ARID2: variants seen among roughly 807,000 people sequenced by gnomAD.
The protein encoded by ARID2 is AT-rich interactive domain-containing protein 2.
Under a neutral mutation model 184.6 loss-of-function variants are expected in ARID2, and 32 were observed. The ratio of observed to expected loss-of-function variants is 0.17; its 90% CI spans 0.13 to 0.23. The LOEUF (loss-of-function observed/expected upper bound fraction) is 0.23. Among genes scored for constraint, ARID2 ranks in the 10% least tolerant of loss-of-function variants. ARID2 has a pLI of 1.00. For synonymous variants in ARID2, 836 were observed against 772.6 expected, an observed-to-expected ratio of 1.08 and a Z score of -1.36; for missense variants, 1,696 against 2,197.6, an observed-to-expected ratio of 0.77 and a Z score of 4.56.
At chr12:45,878,164 T>A (rs1019935872) in intron 16 of ARID2, among the ~76,000 whole-genome samples, 1 of 152,200 alleles carries the variant, frequency 6.6e-6, no homozygotes, top group Non-Finnish European at 1.5e-5. Context: ...TCTTTGTCTT[T>A]GGTTTTTGGA....
chr12:45,867,735 T>TC (rs2138200492), intron 16 of ARID2, among the ~76,000 whole-genome samples: 1 of 140,888 alleles, frequency 7.1e-6, no homozygotes, highest in East Asian at 2.2e-4. Context: ...AGAACGAGAC[T>TC]CCATCTCAAA....
chr12:45,746,711 G>C (rs1327827150), intron 3 of ARID2, among the ~76,000 whole-genome samples: 3 of 152,032 alleles, frequency 2.0e-5, no homozygotes, highest in Non-Finnish European at 4.4e-5. Flanking sequence ...TTATAGATGA[G>C]AAAACAGGAC....
chr12:45,736,840 G>A (rs1941135554), intron 3 of ARID2, among the ~76,000 whole-genome samples: 1 of 152,162 alleles, frequency 6.6e-6, no homozygotes. Context: ...AATGTGTATT[G>A]TGGATCTCTA....
In ARID2 at chr12:45,887,812, T is replaced by C. The variant is rs1431091242; in HGVS notation, c.4923-3968T>C. Among the ~76,000 whole-genome samples the C allele has an allele frequency of 1.2e-4, 18 of 152,250 alleles. No homozygotes were observed. The South Asian group carries it at 3.5e-3, about 30-fold the overall frequency. On this transcript the variant is annotated intron_variant, in intron 16 of 20. Transcript: ENST00000334344. ...CAGTGCAGAGGCTGGTCAGGGATTC[T>C]CTGAGGAGCCCTTTTAACTTGGTTG...
intron 20 of ARID2, among the ~76,000 whole-genome samples, chr12:45,895,453 G>C (rs1944357229): frequency 6.6e-6 from 1 of 152,200 alleles, no homozygotes; most frequent in Non-Finnish European, 1.5e-5. Context: ...TTAGTGCCTA[G>C]CATAGTGTTG....
intron 15 of ARID2, among the ~76,000 whole-genome samples, chr12:45,859,716 CTT>C (rs761383939): frequency 6.6e-5 from 10 of 152,026 alleles, no homozygotes; most frequent in Non-Finnish European, 1.3e-4. Context: ...ATTTAAAAGA[CTT>C]TATGCCTACA....
At chr12:45,730,212 C>A in intron 2 of ARID2, 75 bp downstream of exon 2, 3 of 1,481,200 alleles carry the variant, frequency 2.0e-6, no homozygotes, top group Non-Finnish European at 2.8e-6. Flanking sequence ...CCGGAGTGGG[C>A]GCTTGGGGCT....
chr12:45,752,916 T>A (rs1020310540), intron 3 of ARID2, among the ~76,000 whole-genome samples: 5 of 152,262 alleles, frequency 3.3e-5, no homozygotes, highest in African/African-American at 9.6e-5. Flanking sequence ...AGTTTACTCT[T>A]AAGAGTCAGT....
At chr12:45,835,689 C>G (rs1943207455) in intron 6 of ARID2, among the ~76,000 whole-genome samples, 1 of 152,054 alleles carries the variant, frequency 6.6e-6, no homozygotes, top group Non-Finnish European at 1.5e-5. Flanking sequence ...ATCACAAGGT[C>G]AAGAGATTGA....
intron 6 of ARID2, among the ~76,000 whole-genome samples, chr12:45,832,379 A>G (rs76584042): frequency 6.6e-6 from 1 of 152,204 alleles, no homozygotes; most frequent in African/African-American, 2.4e-5. Flanking sequence ...CTTGGGGTTC[A>G]TTTAGTTTCT....
chr12:45,813,490 T>G (rs1256522033), intron 4 of ARID2, among the ~76,000 whole-genome samples: 1 of 150,994 alleles, frequency 6.6e-6, no homozygotes, highest in Non-Finnish European at 1.5e-5. Context: ...AAAATGAAAT[T>G]ATCTAATATT....
chr12:45,867,700 G>A (rs372402678), intron 16 of ARID2, among the ~76,000 whole-genome samples: 14 of 149,386 alleles, frequency 9.4e-5, no homozygotes, highest in Admixed American at 2.7e-4. Flanking sequence ...CCCAGATCGC[G>A]CCACTGCACT....
intron 3 of ARID2, among the ~76,000 whole-genome samples, chr12:45,762,566 A>G (rs1941702318): frequency 6.6e-6 from 1 of 152,218 alleles, no homozygotes. Flanking sequence ...TCTGGCTTTC[A>G]TGTGCTCTGT....
rs78234941 is a variant in ARID2, at chr12:45,851,093, G to A, written c.2970G>A (p.Ser990=). ...ACCAAGTCCCTACTGCCATGTCGTC[G>A]TCCTCTACCCCTCAATCACAGGGAC... ...TNNQVPTAMS[S]SSTPQSQGPP... is the part of the protein sequence containing the mutation. Residue 990 remains serine (S), a synonymous_variant, in exon 15 of 21, where the codon TCG becomes TCA. Transcript: ENST00000334344. The A allele has an allele frequency of 2.0e-4, 321 of 1,613,960 alleles. 1 individual carries two copies. The highest frequency in any genetic ancestry group is 4.8e-4 in the Admixed American group (29 of 60,004).
intron 3 of ARID2, among the ~76,000 whole-genome samples, chr12:45,769,867 A>G (rs936199601): frequency 2.0e-5 from 3 of 152,204 alleles, no homozygotes; most frequent in Non-Finnish European, 2.9e-5. Context: ...AATGGAGGCC[A>G]GAATGCAGTG....
chr12:45,739,983 T>C (rs1941218500), intron 3 of ARID2, among the ~76,000 whole-genome samples: 1 of 152,220 alleles, frequency 6.6e-6, no homozygotes, highest in African/African-American at 2.4e-5. Flanking sequence ...TGCAATACGC[T>C]TGAGCTCAGA....
rs746899409 is a variant in ARID2, at chr12:45,852,574, T to C, written c.4451T>C (p.Ile1484Thr). 1 of 1,614,182 alleles carries C rather than the reference T, an allele frequency of 6.2e-7. No homozygotes were observed. Among genetic ancestry groups the C allele is most frequent in the East Asian group, 2.2e-5 (1 of 44,890 alleles). Residue 1484 changes from isoleucine to threonine, a missense_variant, in exon 15 of 21, where the codon ATA (isoleucine) becomes ACA (threonine). Coordinates refer to ENST00000334344, the MANE Select transcript of ARID2 (RefSeq NM_152641.4). ...TTSVIQGHQI[I>T]AVPDSGSKVS... ...TCTGTTATACAGGGACATCAAATCA[T>C]AGCAGTTCCCGACTCAGGATCAAAA...
Position 45,746,928 on chromosome 12 carries a change from A to G in ARID2, c.284+15614A>G, listed in dbSNP as rs547720643. Among the ~76,000 whole-genome samples, 5 of 152,106 alleles carry G rather than the reference A, an allele frequency of 3.3e-5. No homozygotes were observed. In the South Asian group the frequency reaches 6.2e-4, roughly 19 times the overall value. Reference sequence around the variant, plus strand: ...ACTACAGGCGCTCGCCACCATGCCCAGCTAATTTTTCTTTGTATTTTAGGT... The same window carrying G: ...ACTACAGGCGCTCGCCACCATGCCCGGCTAATTTTTCTTTGTATTTTAGGT... On this transcript the variant is annotated intron_variant, in intron 3 of 20. Transcript: ENST00000334344.
At chr12:45,869,316 C>T (rs988614052) in intron 16 of ARID2, among the ~76,000 whole-genome samples, 9 of 151,838 alleles carry the variant, frequency 5.9e-5, no homozygotes, top group Non-Finnish European at 1.2e-4. Context: ...TGCCCGGCCG[C>T]GATTGCTTTT....
Sources: allele counts gnomAD v4.1 joint callset (sites outside exome capture counted in the v4.1 genomes callset), GRCh38; gene constraint gnomAD v4.1.1; transcripts MANE v1.5; gene names NCBI Gene and HGNC (gene_info 2026-07-23, HGNC 2026-07-21).